CNBD1: variants seen among roughly 807,000 people sequenced by gnomAD.
CNBD1 encodes cyclic nucleotide-binding domain-containing protein 1.
A neutral mutation model predicts 54.4 loss-of-function variants in CNBD1; 71 were observed. The observed-to-expected ratio is 1.30, with a 90% CI of 1.08 to 1.59. The LOEUF (loss-of-function observed/expected upper bound fraction) is 1.59. Among genes scored for constraint, CNBD1 ranks in the 40% most tolerant of loss-of-function variants. The pLI is 0.00. For synonymous variants in CNBD1, 182 were observed against 170.7 expected, an observed-to-expected ratio of 1.07 and a Z score of -0.51; for missense variants, 659 against 518.0, an observed-to-expected ratio of 1.27 and a Z score of -2.64.
At chr8:87,138,082 G>C (rs1812295782) in intron 4 of CNBD1, among the ~76,000 whole-genome samples, 2 of 152,132 alleles carry the variant, frequency 1.3e-5, no homozygotes, top group East Asian at 1.9e-4. Flanking sequence ...ATAGTTACCA[G>C]ATAGGTTAGT....
intron 5 of CNBD1, among the ~76,000 whole-genome samples, chr8:87,207,823 A>T (rs541831438): frequency 1.4e-4 from 21 of 152,330 alleles, no homozygotes; most frequent in African/African-American, 5.0e-4. Flanking sequence ...GCATTTCAAT[A>T]GGGTGTACTT....
intron 10 of CNBD1, among the ~76,000 whole-genome samples, chr8:87,368,290 A>T (rs1054790250): frequency 1.3e-5 from 2 of 152,170 alleles, no homozygotes; most frequent in South Asian, 4.1e-4. Flanking sequence ...ATATATCCCA[A>T]TAAATCTTAA....
At chr8:87,178,727 G>A (rs984409156) in intron 4 of CNBD1, among the ~76,000 whole-genome samples, 4 of 152,152 alleles carry the variant, frequency 2.6e-5, no homozygotes, top group African/African-American at 7.2e-5. Flanking sequence ...TGTAATAGTA[G>A]CAGGATGAAA....
intron 2 of CNBD1, among the ~76,000 whole-genome samples, chr8:87,426,002 G>T (rs1237905572): frequency 2.6e-5 from 4 of 152,218 alleles, no homozygotes; most frequent in African/African-American, 9.6e-5. Context: ...TGAGCCAGGT[G>T]CAGGATATAA....
At chr8:87,409,716 A>G (rs1396084186) in intron 2 of CNBD1, among the ~76,000 whole-genome samples, 1 of 152,106 alleles carries the variant, frequency 6.6e-6, no homozygotes, top group Non-Finnish European at 1.5e-5. Context: ...CCAGGGGCTT[A>G]AGAATTAAGC....
intron 6 of CNBD1, among the ~76,000 whole-genome samples, chr8:87,273,307 G>A (rs984197237): frequency 6.6e-6 from 1 of 151,752 alleles, no homozygotes; most frequent in Admixed American, 6.6e-5. Context: ...AATCATGATG[G>A]GTGACTGTTG....
chr8:86,995,552 A>G (rs1808852394), intron 4 of CNBD1, among the ~76,000 whole-genome samples: 1 of 152,190 alleles, frequency 6.6e-6, no homozygotes, highest in South Asian at 2.1e-4. Flanking sequence ...TTGAAGGGTA[A>G]GAAGTGTTTT....
At chr8:87,074,480 A>G (rs1810826536) in intron 4 of CNBD1, among the ~76,000 whole-genome samples, 1 of 152,096 alleles carries the variant, frequency 6.6e-6, no homozygotes, top group African/African-American at 2.4e-5. Flanking sequence ...GAGTATGTAA[A>G]ACTCCAGGAT....
chr8:87,330,923 G>T (rs1013634023), intron 8 of CNBD1, among the ~76,000 whole-genome samples: 2 of 151,970 alleles, frequency 1.3e-5, no homozygotes, highest in South Asian at 4.2e-4. Flanking sequence ...ACATATAGTT[G>T]GGTCTTGATT....
At chr8:87,227,709 A>G (rs1281076584) in intron 5 of CNBD1, among the ~76,000 whole-genome samples, 33 of 148,244 alleles carry the variant, frequency 2.2e-4, no homozygotes, top group African/African-American at 8.2e-4. Context: ...GAATCTGACA[A>G]TGATGTGTCT....
chr8:87,255,810 A>G (rs1158934839), intron 6 of CNBD1, among the ~76,000 whole-genome samples: 2 of 150,340 alleles, frequency 1.3e-5, no homozygotes, highest in Non-Finnish European at 3.0e-5. Context: ...TAAAATGACT[A>G]TTTTAACAAA....
intron 8 of CNBD1, among the ~76,000 whole-genome samples, chr8:87,329,542 T>C (rs960458267): frequency 6.6e-6 from 1 of 152,120 alleles, no homozygotes; most frequent in African/African-American, 2.4e-5. Flanking sequence ...AAATATAATA[T>C]CTCTCCAGTT....
At chr8:87,007,150 TCA>T (rs1809119825) in intron 4 of CNBD1, among the ~76,000 whole-genome samples, 1 of 150,604 alleles carries the variant, frequency 6.6e-6, no homozygotes. Context: ...TGAACCAAGA[TCA>T]CGCCATTGCA....
intron 4 of CNBD1, among the ~76,000 whole-genome samples, chr8:87,105,228 A>G (rs1811508917): frequency 6.6e-6 from 1 of 152,214 alleles, no homozygotes; most frequent in Non-Finnish European, 1.5e-5. Flanking sequence ...GAAAATGATG[A>G]AAGTAATTAA....
chr8:87,417,150 A>G (rs1031427523), intron 2 of CNBD1, among the ~76,000 whole-genome samples: 12 of 152,156 alleles, frequency 7.9e-5, no homozygotes, highest in East Asian at 1.9e-4. Context: ...CAGTTTCCAC[A>G]TGGCTGGGGA....
intron 4 of CNBD1, among the ~76,000 whole-genome samples, chr8:87,026,324 C>T (rs965781577): frequency 2.0e-5 from 3 of 151,666 alleles, no homozygotes; most frequent in African/African-American, 7.3e-5. Context: ...CTCCTTTCTT[C>T]CTTCCCTTCT....
At chr8:87,384,517 T>C (rs1811146419), downstream of CNBD1, among the ~76,000 whole-genome samples, 1 of 152,154 alleles carries the variant, frequency 6.6e-6, no homozygotes, top group Non-Finnish European at 1.5e-5. Flanking sequence ...CGGATCTCAG[T>C]TTGAATGTTG....
intron 2 of CNBD1, among the ~76,000 whole-genome samples, chr8:87,423,750 G>A (rs991634815): frequency 4.6e-5 from 7 of 151,644 alleles, no homozygotes; most frequent in African/African-American, 1.7e-4. Context: ...TTTTGGTTGT[G>A]TCTCTGCCCG....
intron 4 of CNBD1, among the ~76,000 whole-genome samples, chr8:87,174,483 T>A (rs71525088): frequency 6.6e-6 from 1 of 152,190 alleles, no homozygotes; most frequent in Admixed American, 6.5e-5. Context: ...TCCTTCTCTG[T>A]GTTATCTTTA....
Sources: allele counts gnomAD v4.1 joint callset (sites outside exome capture counted in the v4.1 genomes callset), GRCh38; gene constraint gnomAD v4.1.1; transcripts MANE v1.5; gene names NCBI Gene and HGNC (gene_info 2026-07-23, HGNC 2026-07-21).